SCHIP1: variants seen among roughly 807,000 people sequenced by gnomAD.
SCHIP1 encodes schwannomin interacting protein 1.
In SCHIP1, 8 loss-of-function variants were observed where a neutral mutation model predicts 29.7. The ratio of observed to expected loss-of-function variants is 0.27; its 90% CI spans 0.16 to 0.49. The LOEUF (loss-of-function observed/expected upper bound fraction) is 0.49, where lower values mean the gene tolerates loss of function less well. Among genes scored for constraint, SCHIP1 ranks in the 20% least tolerant of loss-of-function variants. The pLI is 0.99. For missense variants in SCHIP1, 193 were observed against 294.6 expected (o/e 0.66, Z 2.52); for synonymous variants, 76 against 94.9 (o/e 0.80, Z 1.16).
At chr3:159,830,579 A>C in the SCHIP1 span, among the ~76,000 whole-genome samples, 2 of 152,238 alleles carry the variant, frequency 1.3e-5, no homozygotes, top group Non-Finnish European at 2.9e-5. Flanking sequence ...TATAATTATA[A>C]GGCTAAAAAA....
chr3:159,689,984 G>T, the SCHIP1 span, among the ~76,000 whole-genome samples: 1 of 152,170 alleles, frequency 6.6e-6, no homozygotes, highest in African/African-American at 2.4e-5. Context: ...TTGATGTGCT[G>T]CTGGATTCAG....
the SCHIP1 span, among the ~76,000 whole-genome samples, chr3:159,325,306 T>C: frequency 1.0e-3 from 156 of 152,282 alleles, 2 homozygotes; most frequent in South Asian, 0.024. Flanking sequence ...TGTTTTAATG[T>C]CTCCAGTTTG....
At chr3:159,310,886 A>G in the SCHIP1 span, among the ~76,000 whole-genome samples, 1 of 152,152 alleles carries the variant, frequency 6.6e-6, no homozygotes, top group Non-Finnish European at 1.5e-5. Context: ...TAAAATTGAT[A>G]AGATTTGCAT....
At chr3:159,489,528 T>C in the SCHIP1 span, among the ~76,000 whole-genome samples, 1 of 152,168 alleles carries the variant, frequency 6.6e-6, no homozygotes, top group Non-Finnish European at 1.5e-5. Flanking sequence ...TAAAACAATA[T>C]ATGTCAATAT....
chr3:159,606,055 A>G, the SCHIP1 span, among the ~76,000 whole-genome samples: 1 of 152,168 alleles, frequency 6.6e-6, no homozygotes, highest in African/African-American at 2.4e-5. Flanking sequence ...GTGTTCTTAC[A>G]TGAATCTCCC....
the SCHIP1 span, among the ~76,000 whole-genome samples, chr3:159,584,707 C>A: frequency 6.6e-6 from 1 of 152,198 alleles, no homozygotes; most frequent in Non-Finnish European, 1.5e-5. Context: ...TCAATATCAC[C>A]TGGGAATTTG....
chr3:159,841,098 C>A (rs1268256488), intron 1 of SCHIP1, among the ~76,000 whole-genome samples: 40 of 152,202 alleles, frequency 2.6e-4, no homozygotes, highest in Admixed American at 2.6e-3. Context: ...GAGACCAATT[C>A]TCTAACTTAA....
the SCHIP1 span, among the ~76,000 whole-genome samples, chr3:159,704,968 T>G: frequency 6.6e-6 from 1 of 151,142 alleles, no homozygotes; most frequent in Non-Finnish European, 1.5e-5. Context: ...TTTACTTTTT[T>G]CTTTTGTTTT....
At chr3:159,503,259 C>A in the SCHIP1 span, among the ~76,000 whole-genome samples, 2 of 152,140 alleles carry the variant, frequency 1.3e-5, no homozygotes, top group African/African-American at 4.8e-5. Context: ...AGCTCATAAA[C>A]TATTTGTTCT....
At chr3:159,575,371 ATTGAG>A in the SCHIP1 span, among the ~76,000 whole-genome samples, 2 of 151,848 alleles carry the variant, frequency 1.3e-5, no homozygotes, top group Non-Finnish European at 2.9e-5. Flanking sequence ...CACCATTTAG[ATTGAG>A]TTATTTTTAT....
chr3:159,626,256 A>C, the SCHIP1 span, among the ~76,000 whole-genome samples: 220 of 65,862 alleles, frequency 3.3e-3, 3 homozygotes, highest in Non-Finnish European at 5.4e-3. Flanking sequence ...ATCTATATAG[A>C]TAGATAGATA....
chr3:159,688,952 T>C, the SCHIP1 span, among the ~76,000 whole-genome samples: 1 of 152,214 alleles, frequency 6.6e-6, no homozygotes. Context: ...GTTCCATTGG[T>C]CTATATATCT....
the SCHIP1 span, among the ~76,000 whole-genome samples, chr3:159,706,022 A>G: frequency 6.6e-6 from 1 of 152,100 alleles, no homozygotes; most frequent in Non-Finnish European, 1.5e-5. Context: ...ATGACTCTTG[A>G]TCAGGGATCC....
the SCHIP1 span, among the ~76,000 whole-genome samples, chr3:159,365,903 G>C: frequency 6.6e-6 from 1 of 152,008 alleles, no homozygotes; most frequent in Non-Finnish European, 1.5e-5. Flanking sequence ...TGATCCTTTT[G>C]GCAGGCTTTT....
At chr3:159,509,823 C>T in the SCHIP1 span, among the ~76,000 whole-genome samples, 3 of 152,202 alleles carry the variant, frequency 2.0e-5, no homozygotes, top group Admixed American at 2.0e-4. Flanking sequence ...TGTAGAGTTT[C>T]TGCTGAGAGA....
the SCHIP1 span, among the ~76,000 whole-genome samples, chr3:159,363,681 T>C: frequency 6.6e-6 from 1 of 152,194 alleles, no homozygotes; most frequent in Admixed American, 6.5e-5. Flanking sequence ...ACAAGATGAT[T>C]ATCTGACATC....
At chr3:159,607,943 G>T in the SCHIP1 span, among the ~76,000 whole-genome samples, 6 of 152,226 alleles carry the variant, frequency 3.9e-5, no homozygotes, top group African/African-American at 1.4e-4. Context: ...GAAGTCGGCA[G>T]TGTGGGAGGA....
At chr3:159,809,713 A>C in the SCHIP1 span, among the ~76,000 whole-genome samples, 1 of 151,766 alleles carries the variant, frequency 6.6e-6, no homozygotes, top group East Asian at 1.9e-4. Flanking sequence ...TTAACATATG[A>C]TTTATAGCCA....
chr3:159,883,751 C>G (rs1716680742), intron 2 of SCHIP1, among the ~76,000 whole-genome samples: 1 of 152,174 alleles, frequency 6.6e-6, no homozygotes, highest in Non-Finnish European at 1.5e-5. Flanking sequence ...AAGAAGCTCT[C>G]TTCAGTTTCC....
Sources: allele counts gnomAD v4.1 joint callset (sites outside exome capture counted in the v4.1 genomes callset), GRCh38; gene constraint gnomAD v4.1.1; transcripts MANE v1.5; gene names NCBI Gene and HGNC (gene_info 2026-07-23, HGNC 2026-07-21).